The following GLRA3 variants were observed in gnomAD, a reference collection of about 807,000 sequenced individuals.
The protein encoded by GLRA3 is glycine receptor alpha 3.
Under a neutral mutation model 60.4 loss-of-function variants are expected in GLRA3, and 44 were observed. That is an observed-to-expected ratio of 0.73 (90% CI 0.57 to 0.94). GLRA3 has a LOEUF of 0.94. Among genes scored for constraint, GLRA3 ranks in the 40% least tolerant of loss-of-function variants. The pLI, the probability that GLRA3 is intolerant of heterozygous loss-of-function variation, is 0.00. For missense variants in GLRA3, 508 were observed against 564.6 expected, an observed-to-expected ratio of 0.90 and a Z score of 1.02; for synonymous variants, 223 against 192.9, an observed-to-expected ratio of 1.16 and a Z score of -1.29.
At chr4:174,756,430 C>T (rs1490692973) in intron 3 of GLRA3, among the ~76,000 whole-genome samples, 2 of 151,678 alleles carry the variant, frequency 1.3e-5, no homozygotes, top group African/African-American at 2.4e-5. Context: ...ATACAAGGAA[C>T]GCAAGAAGGA....
intron 7 of GLRA3, among the ~76,000 whole-genome samples, chr4:174,663,414 T>C (rs1032342928): frequency 6.6e-6 from 1 of 152,164 alleles, no homozygotes; most frequent in Admixed American, 6.5e-5. Flanking sequence ...ACTCATAAAG[T>C]ATTTGTGCAT....
At chr4:174,823,556 T>G (rs1252413445) in intron 1 of GLRA3, among the ~76,000 whole-genome samples, 1 of 152,078 alleles carries the variant, frequency 6.6e-6, no homozygotes, top group African/African-American at 2.4e-5. Flanking sequence ...TTATTTTCTA[T>G]AAGTACTATT....
In GLRA3 at chr4:174,676,891, T is replaced by C. The variant is rs6811817; in HGVS notation, c.927+187A>G. Among the ~76,000 whole-genome samples, 9,964 of 152,266 alleles carry C rather than the reference T, an allele frequency of 0.065. 388 individuals carry two copies. Among genetic ancestry groups the C allele is most frequent in the South Asian group, 0.12 (591 of 4,822 alleles). On this transcript the variant is annotated intron_variant, in intron 7 of 9. Transcript: ENST00000274093. ...ACAAAATGTGAATAGCGGATATCAC[T>C]GGTTTGCAGAATTTTTTTCATTTAT...
chr4:174,716,584 T>C (rs757609285), intron 4 of GLRA3, among the ~76,000 whole-genome samples: 1 of 152,182 alleles, frequency 6.6e-6, no homozygotes, highest in African/African-American at 2.4e-5. Context: ...CCCATTGAAA[T>C]TCAGTGTCTT....
intron 9 of GLRA3, among the ~76,000 whole-genome samples, chr4:174,652,941 C>T (rs896332887): frequency 5.9e-5 from 9 of 152,064 alleles, no homozygotes; most frequent in Non-Finnish European, 1.3e-4. Context: ...TCTAGAACAG[C>T]ATGAAGTATT....
At chr4:174,717,461 C>CT (rs1735971718) in intron 4 of GLRA3, among the ~76,000 whole-genome samples, 1 of 152,134 alleles carries the variant, frequency 6.6e-6, no homozygotes, top group African/African-American at 2.4e-5. Context: ...TAACCACATT[C>CT]GTCAAGCTGA....
intron 1 of GLRA3, among the ~76,000 whole-genome samples, chr4:174,827,581 A>G (rs1041288774): frequency 6.6e-6 from 1 of 151,914 alleles, no homozygotes; most frequent in African/African-American, 2.4e-5. Flanking sequence ...AAAAATTACT[A>G]GATCATATCA....
At chr4:174,736,578 T>C (rs1375372818) in intron 3 of GLRA3, among the ~76,000 whole-genome samples, 5 of 152,170 alleles carry the variant, frequency 3.3e-5, no homozygotes, top group Admixed American at 6.5e-5. Flanking sequence ...ATACGTGACC[T>C]TTTGCATCTG....
At chr4:174,795,650 C>A (rs1469349697) in intron 1 of GLRA3, among the ~76,000 whole-genome samples, 1 of 151,914 alleles carries the variant, frequency 6.6e-6, no homozygotes, top group African/African-American at 2.4e-5. Flanking sequence ...TTTCTTATAC[C>A]ATAATGTAAT....
At chr4:174,671,377 A>C (rs943020144) in intron 7 of GLRA3, among the ~76,000 whole-genome samples, 1 of 151,930 alleles carries the variant, frequency 6.6e-6, no homozygotes, top group East Asian at 1.9e-4. Flanking sequence ...CTCCTTTAAA[A>C]TTTAAGGGTT....
chr4:174,696,096 G>T (rs1187150903), intron 5 of GLRA3, among the ~76,000 whole-genome samples: 2 of 151,762 alleles, frequency 1.3e-5, no homozygotes, highest in Non-Finnish European at 2.9e-5. Flanking sequence ...AATTAGAGAA[G>T]ACACAAACAA....
intron 3 of GLRA3, among the ~76,000 whole-genome samples, chr4:174,731,312 C>T (rs1736536499): frequency 5.3e-5 from 8 of 152,030 alleles, no homozygotes; most frequent in Admixed American, 5.2e-4. Flanking sequence ...GAATTTTGGC[C>T]ATTTGTGAAA....
chr4:174,709,785 T>G (rs2111077650), intron 5 of GLRA3, among the ~76,000 whole-genome samples: 1 of 152,182 alleles, frequency 6.6e-6, no homozygotes, highest in African/African-American at 2.4e-5. Context: ...TTGACTTCAG[T>G]GGAATTCTCA....
intron 2 of GLRA3, 108 bp from the exon 3 acceptor site, chr4:174,767,138 A>G: frequency 1.7e-6 from 1 of 576,118 alleles, no homozygotes. Flanking sequence ...ACACACACAC[A>G]CACACACACA....
rs932315259 is a variant in GLRA3, at chr4:174,668,798, C to G, written c.927+8280G>C. On this transcript the variant is annotated intron_variant, in intron 7 of 9. Transcript: ENST00000274093. ...CCTTAAGAGAGATAGTTTGTCAATT[C>G]TTTTCTCAATCCAAACTTGCTTTTT... Among the ~76,000 whole-genome samples, 3 of 152,112 alleles carry G rather than the reference C, an allele frequency of 2.0e-5. No individual in the cohort carries two copies. The South Asian group carries it at 6.2e-4, about 32-fold the overall frequency.
chr4:174,767,712 G>C (rs1295382288), intron 2 of GLRA3, among the ~76,000 whole-genome samples: 1 of 152,072 alleles, frequency 6.6e-6, no homozygotes, highest in African/African-American at 2.4e-5. Flanking sequence ...CATGTCTTCA[G>C]TGCTCAGGCA....
intron 3 of GLRA3, among the ~76,000 whole-genome samples, chr4:174,762,883 A>C (rs1034268329): frequency 3.3e-5 from 5 of 152,092 alleles, no homozygotes. Context: ...CCTCCTCACA[A>C]TCAGTTACCA....
intron 5 of GLRA3, among the ~76,000 whole-genome samples, chr4:174,699,828 T>TAA (rs1735230711): frequency 6.6e-6 from 1 of 150,376 alleles, no homozygotes; most frequent in Non-Finnish European, 1.5e-5. Context: ...AATAATTTAT[T>TAA]TGTTAATTAT....
chr4:174,811,618 C>A (rs1740279976), intron 1 of GLRA3, among the ~76,000 whole-genome samples: 2 of 152,100 alleles, frequency 1.3e-5, no homozygotes, highest in South Asian at 4.1e-4. Context: ...GTAATACTTA[C>A]AAGTCATAAT....
Sources: allele counts gnomAD v4.1 joint callset (sites outside exome capture counted in the v4.1 genomes callset), GRCh38; gene constraint gnomAD v4.1.1; transcripts MANE v1.5; gene names NCBI Gene and HGNC (gene_info 2026-07-23, HGNC 2026-07-21).